Variants in TENM2 observed in about 807,000 individuals in gnomAD.
TENM2 encodes teneurin-2.
In TENM2, 52 loss-of-function variants were observed where a neutral mutation model predicts 245.2. The ratio of observed to expected loss-of-function variants is 0.21; its 90% confidence interval spans 0.17 to 0.27. The LOEUF is 0.27. Among genes scored for constraint, TENM2 ranks in the 10% least tolerant of loss-of-function variants. TENM2 has a pLI of 1.00. For missense variants in TENM2, 3,046 were observed against 3,666.8 expected, an observed-to-expected ratio of 0.83 and a Z score of 4.37; for synonymous variants, 1,363 against 1,438.9, an observed-to-expected ratio of 0.95 and a Z score of 1.19.
At position 167,946,993 on chromosome 5, in the gene TENM2, G is replaced by C. The variant is rs562179935; in HGVS notation, c.713-5595G>C. 1.2e-4 allele frequency among the ~76,000 whole-genome samples: 18 copies of C among 151,334 alleles called. No individual in the cohort carries two copies. The South Asian group carries it at 3.7e-3, about 32-fold the overall frequency. On this transcript the variant is annotated intron_variant, in intron 3 of 28. Coordinates refer to ENST00000518659, the Ensembl canonical transcript of TENM2. Reference sequence around the variant, plus strand: ...TCTGAATCCCGTTTTATTTTTGTGGGCTCTTACAGAGACACTCTTGAGACT... The same window carrying C: ...TCTGAATCCCGTTTTATTTTTGTGGCCTCTTACAGAGACACTCTTGAGACT...
At chr5:167,420,591 C>T (rs768900734) in intron 2 of TENM2, among the ~76,000 whole-genome samples, 1 of 152,180 alleles carries the variant, frequency 6.6e-6, no homozygotes, top group Non-Finnish European at 1.5e-5. Context: ...CTGAAATGTT[C>T]TGCCTCAGGT....
At chr5:167,267,916 G>A in the TENM2 span, among the ~76,000 whole-genome samples, 2 of 150,300 alleles carry the variant, frequency 1.3e-5, no homozygotes, top group Non-Finnish European at 3.0e-5. Flanking sequence ...GTAAGGACAG[G>A]CAACAAAGAG....
intron 5 of TENM2, among the ~76,000 whole-genome samples, chr5:168,040,575 A>C (rs1473734441): frequency 6.6e-6 from 1 of 152,230 alleles, no homozygotes; most frequent in Non-Finnish European, 1.5e-5. Flanking sequence ...AGGAGAAATC[A>C]CTTCACCAAG....
At chr5:167,671,175 A>G (rs1755918535) in intron 2 of TENM2, among the ~76,000 whole-genome samples, 1 of 152,106 alleles carries the variant, frequency 6.6e-6, no homozygotes, top group African/African-American at 2.4e-5. Flanking sequence ...CCCACCCCAT[A>G]GTTCCGTAGC....
At chr5:167,537,907 G>A (rs1044947669) in intron 2 of TENM2, among the ~76,000 whole-genome samples, 2 of 152,210 alleles carry the variant, frequency 1.3e-5, no homozygotes, top group African/African-American at 4.8e-5. Context: ...AGAAAAGTAA[G>A]TGGTGGTTAC....
chr5:167,239,773 G>GTTTA, the TENM2 span, among the ~76,000 whole-genome samples: 1 of 152,074 alleles, frequency 6.6e-6, no homozygotes, highest in Non-Finnish European at 1.5e-5. Flanking sequence ...TTATATTGTT[G>GTTTA]TTTATTTATT....
intron 12 of TENM2, among the ~76,000 whole-genome samples, chr5:168,159,495 T>C (rs576593109): frequency 1.3e-5 from 2 of 152,280 alleles, no homozygotes; most frequent in East Asian, 1.9e-4. Flanking sequence ...CATTTTGCCC[T>C]CCAGACTAAT....
At chr5:168,162,255 T>C (rs1201625654) in intron 12 of TENM2, among the ~76,000 whole-genome samples, 3 of 152,198 alleles carry the variant, frequency 2.0e-5, no homozygotes, top group Non-Finnish European at 4.4e-5. Flanking sequence ...AAAGAAAAGC[T>C]TCTTTTCAGT....
Position 167,638,090 on chromosome 5 carries a change from GGTGTGTGTGTGTGTGTGTGTGTGT to G in TENM2, c.503-237865_503-237842del, listed in dbSNP as rs70976439. ...TGGACTATAAAGACAGAACAGGGCA[GGTGTGTGTGTGTGTGTGTGTGTGT>G]GTGTGTGTGTGTGTGTGTGTGTGTG... On this transcript the variant is annotated intron_variant, in intron 2 of 28. Coordinates refer to ENST00000518659, the Ensembl canonical transcript of TENM2. Among the ~76,000 whole-genome samples the G allele has an allele frequency of 2.5e-4, 34 of 137,608 alleles. 1 individual carries two copies. Among genetic ancestry groups the G allele is most frequent in the African/African-American group, 7.9e-4 (29 of 36,780 alleles). The allele number at this position is 137,608 out of a possible 152,430, so 90.3% of individuals were successfully genotyped here.
At chr5:167,821,896 A>G (rs1191013531) in intron 2 of TENM2, among the ~76,000 whole-genome samples, 2 of 152,008 alleles carry the variant, frequency 1.3e-5, no homozygotes, top group Non-Finnish European at 2.9e-5. Flanking sequence ...AGTAGTCTCA[A>G]AAGCCCCGCG....
At chr5:167,193,874 T>C in the TENM2 span, among the ~76,000 whole-genome samples, 8 of 152,084 alleles carry the variant, frequency 5.3e-5, no homozygotes, top group Non-Finnish European at 1.0e-4. Context: ...AATTGTGCAA[T>C]GTGCTTTACA....
chr5:168,193,548 A>G (rs1474765561), intron 14 of TENM2, among the ~76,000 whole-genome samples: 2 of 152,226 alleles, frequency 1.3e-5, no homozygotes, highest in African/African-American at 4.8e-5. Flanking sequence ...GAAGAATTTG[A>G]AAAATAGAGG....
intron 1 of TENM2, among the ~76,000 whole-genome samples, chr5:167,318,854 G>GA (rs1756540883): frequency 6.6e-6 from 1 of 152,160 alleles, no homozygotes; most frequent in African/African-American, 2.4e-5. Flanking sequence ...ATTTAAAAAG[G>GA]AAAGTTTTTT....
At chr5:167,984,584 G>A (rs1287012241) in intron 4 of TENM2, among the ~76,000 whole-genome samples, 7 of 152,216 alleles carry the variant, frequency 4.6e-5, no homozygotes, top group Non-Finnish European at 8.8e-5. Context: ...TGAACTGGGA[G>A]GTGGAGGTTG....
chr5:168,136,999 C>T (rs1199656988), intron 12 of TENM2, among the ~76,000 whole-genome samples: 3 of 152,152 alleles, frequency 2.0e-5, no homozygotes, highest in Non-Finnish European at 4.4e-5. Context: ...ACTCCAGGTT[C>T]CAAACAGTTT....
chr5:168,077,724 A>C (rs1791605285), intron 7 of TENM2, among the ~76,000 whole-genome samples: 1 of 152,168 alleles, frequency 6.6e-6, no homozygotes, highest in African/African-American at 2.4e-5. Flanking sequence ...GATGGTTTCC[A>C]GCTTCATCCA....
At chr5:167,721,720 C>T (rs1172286580) in intron 2 of TENM2, among the ~76,000 whole-genome samples, 1 of 152,172 alleles carries the variant, frequency 6.6e-6, no homozygotes, top group Non-Finnish European at 1.5e-5. Flanking sequence ...GGCTCTTAAC[C>T]TTAATCACAT....
chr5:167,089,941 T>C, the TENM2 span, among the ~76,000 whole-genome samples: 2 of 152,244 alleles, frequency 1.3e-5, no homozygotes, highest in African/African-American at 4.8e-5. Context: ...AAGGCCTGGG[T>C]GCTCCTAGCT....
At chr5:167,216,185 C>T in the TENM2 span, among the ~76,000 whole-genome samples, 4 of 152,326 alleles carry the variant, frequency 2.6e-5, no homozygotes, top group African/African-American at 9.6e-5. Context: ...AAGGCAGTCA[C>T]ATTTCAAAGT....
Sources: allele counts gnomAD v4.1 joint callset (sites outside exome capture counted in the v4.1 genomes callset), GRCh38; gene constraint gnomAD v4.1.1; transcripts MANE v1.5; gene names NCBI Gene and HGNC (gene_info 2026-07-23, HGNC 2026-07-21).